The following MYOM2 variants were observed in gnomAD, a reference collection of about 807,000 sequenced individuals.
The protein encoded by MYOM2 is myomesin-2.
Under a neutral mutation model 187.6 loss-of-function variants are expected in MYOM2, and 254 were observed. The ratio of observed to expected loss-of-function variants is 1.35; its 90% CI spans 1.22 to 1.50. MYOM2 has a LOEUF of 1.50. MYOM2 is among the 40% of genes most tolerant of loss of function. The probability of loss-of-function intolerance (pLI) is 0.00; values close to 1 mark genes in which losing one functional copy is unlikely to be tolerated. For synonymous variants in MYOM2, 981 were observed against 753.8 expected (o/e 1.30, Z -4.94); for missense variants, 2,796 against 1,924.0 (o/e 1.45, Z -8.48).
chr8:2,062,634 G>T (rs1818889511), intron 6 of MYOM2, among the ~76,000 whole-genome samples: 1 of 152,084 alleles, frequency 6.6e-6, no homozygotes, highest in Admixed American at 6.5e-5. Flanking sequence ...TCTCTCCTTG[G>T]ATTTCCGAAA....
Position 2,085,303 on chromosome 8 carries a change from T to A in MYOM2, c.1557T>A (p.Ala519=), listed in dbSNP as rs1362061287. 1.2e-6 allele frequency: 2 copies of A among 1,614,138 alleles called. No individual in the cohort carries two copies. Residue 519 remains alanine, a synonymous_variant, in exon 14 of 37, where the codon GCT becomes GCA. Transcript: ENST00000262113. The part of the protein sequence containing the change: ...QVPGPPTGVH[A]SEISRNYVVL... ...CAGGGCCTCCCACCGGTGTGCACGC[T>A]TCCGAGATCAGCAGAAACTATGTCG...
At chr8:2,142,227 A>T in intron 34 of MYOM2, 148 bp from the exon 35 acceptor site, 1 of 807,230 alleles carries the variant, frequency 1.2e-6, no homozygotes, top group South Asian at 1.6e-5. Context: ...GGGTCCTGTG[A>T]CCCGAACATG....
At chr8:2,117,189 A>G (rs1797278101) in intron 27 of MYOM2, among the ~76,000 whole-genome samples, 1 of 152,212 alleles carries the variant, frequency 6.6e-6, no homozygotes. Flanking sequence ...AATAGTCACA[A>G]ATATTTTACT....
At chr8:2,143,324 A>G (rs17752076) in intron 35 of MYOM2, 77 bp from the exon 36 acceptor site, 219,031 of 1,528,426 alleles carry the variant, frequency 0.14, 16,904 homozygotes, top group East Asian at 0.21. Flanking sequence ...CTTGGTACCC[A>G]CTGCTGCTTA....
chr8:2,106,729 G>GT (rs1796907553), intron 23 of MYOM2, 132 bp downstream of exon 23: 1 of 643,338 alleles, frequency 1.6e-6, no homozygotes, highest in Non-Finnish European at 2.7e-6. Flanking sequence ...TGGGGGCTAT[G>GT]TATATAAGCC....
At chr8:2,064,575 C>G (rs1056108125) in intron 6 of MYOM2, among the ~76,000 whole-genome samples, 2 of 152,192 alleles carry the variant, frequency 1.3e-5, no homozygotes, top group Admixed American at 6.5e-5. Context: ...AGGGCTTCTT[C>G]CCCCAGTGGC....
intron 6 of MYOM2, among the ~76,000 whole-genome samples, chr8:2,060,816 G>C (rs150138709): frequency 0.018 from 2,591 of 141,796 alleles, 28 homozygotes; most frequent in Non-Finnish European, 0.025. Flanking sequence ...ACTCGTTAAG[G>C]ACATTAAGGA....
At chr8:2,128,314 T>G (rs1438863984) in intron 31 of MYOM2, among the ~76,000 whole-genome samples, 1 of 147,972 alleles carries the variant, frequency 6.8e-6, no homozygotes, top group East Asian at 1.9e-4. Context: ...CTTCCCAAAA[T>G]GAAAAATTAC....
intron 13 of MYOM2, among the ~76,000 whole-genome samples, chr8:2,084,261 C>T (rs574197140): frequency 6.6e-6 from 1 of 152,286 alleles, no homozygotes; most frequent in East Asian, 1.9e-4. Flanking sequence ...TGAAATTCAG[C>T]ACCTTACCAG....
At chr8:2,076,951 A>T (rs1819446060) in intron 11 of MYOM2, among the ~76,000 whole-genome samples, 1 of 152,246 alleles carries the variant, frequency 6.6e-6, no homozygotes, top group Non-Finnish European at 1.5e-5. Context: ...CCCTAAATAC[A>T]AATTCCAGTT....
intron 31 of MYOM2, 149 bp from the exon 32 acceptor site, chr8:2,128,978 T>G (rs1563075799): frequency 3.5e-6 from 2 of 570,002 alleles, no homozygotes. Context: ...GAATAAAGTA[T>G]AAGAATTTGT....
chr8:2,053,257 A>T (rs927001817), intron 3 of MYOM2, among the ~76,000 whole-genome samples: 8 of 152,232 alleles, frequency 5.3e-5, no homozygotes, highest in African/African-American at 9.6e-5. Context: ...ATTTATTTTT[A>T]AAAAATTGAA....
intron 8 of MYOM2, among the ~76,000 whole-genome samples, chr8:2,071,649 C>T (rs1385509074): frequency 6.6e-6 from 1 of 152,326 alleles, no homozygotes; most frequent in African/African-American, 2.4e-5. Context: ...ACCGCAAAGT[C>T]GACTTTGTGA....
At chr8:2,064,988 A>G (rs1229836272) in intron 6 of MYOM2, among the ~76,000 whole-genome samples, 1 of 152,254 alleles carries the variant, frequency 6.6e-6, no homozygotes, top group Non-Finnish European at 1.5e-5. Flanking sequence ...GAGAGGCCAG[A>G]AGGAATCATC....
chr8:2,138,520 G>A (rs1248676920), intron 32 of MYOM2, among the ~76,000 whole-genome samples: 2 of 152,218 alleles, frequency 1.3e-5, no homozygotes, highest in Non-Finnish European at 2.9e-5. Context: ...TGGGAAAAGG[G>A]AGCTAATTAA....
At position 2,085,360 on chromosome 8, in the gene MYOM2, C is replaced by T. The variant is rs748431069; in HGVS notation, c.1614C>T (p.Gly538=). Residue 538 remains glycine (G), a synonymous_variant, in exon 14 of 37, where the codon GGC becomes GGT. Transcript: ENST00000262113. ...GCTGGGAGCCACCCACTCCCCGTGG[C>T]AAGGACCCGCTCATGTACTTCATTG... ...VLSWEPPTPR[G]KDPLMYFIEK... 8 of 1,613,588 alleles carry T rather than the reference C, an allele frequency of 5.0e-6. No homozygotes were observed. The East Asian group carries it at 8.9e-5, about 18-fold the overall frequency.
At chr8:2,104,724 G>A (rs1292653872) in intron 21 of MYOM2, among the ~76,000 whole-genome samples, 2 of 152,150 alleles carry the variant, frequency 1.3e-5, no homozygotes, top group Non-Finnish European at 2.9e-5. Flanking sequence ...TCCGGTGAGG[G>A]CCTCCCGCTG....
chr8:2,078,218 G>A (rs1281593829), intron 11 of MYOM2, among the ~76,000 whole-genome samples: 1 of 152,204 alleles, frequency 6.6e-6, no homozygotes, highest in Non-Finnish European at 1.5e-5. Flanking sequence ...AGAAAGAAAT[G>A]TCCTAACATT....
chr8:2,073,692 C>G (rs903843043), intron 10 of MYOM2, among the ~76,000 whole-genome samples, 192 bp downstream of exon 10: 2 of 152,172 alleles, frequency 1.3e-5, no homozygotes, highest in Non-Finnish European at 2.9e-5. Flanking sequence ...GATGAGCAGA[C>G]GGAAGAATCG....
Sources: allele counts gnomAD v4.1 joint callset (sites outside exome capture counted in the v4.1 genomes callset), GRCh38; gene constraint gnomAD v4.1.1; transcripts MANE v1.5; gene names NCBI Gene and HGNC (gene_info 2026-07-23, HGNC 2026-07-21).